The following HOMER2 variants were observed in gnomAD, a reference collection of about 807,000 sequenced individuals.
HOMER2 encodes the protein homer protein homolog 2.
HOMER2 carries 27 observed loss-of-function variants against 47.0 expected under a neutral mutation model. The observed-to-expected ratio is 0.57, with a 90% CI of 0.42 to 0.79. HOMER2 has a LOEUF of 0.79. Among genes scored for constraint, HOMER2 ranks in the 30% least tolerant of loss-of-function variants. The pLI, the probability that HOMER2 is intolerant of heterozygous loss-of-function variation, is 0.00. For missense variants in HOMER2, 443 were observed against 435.0 expected (o/e 1.02, Z -0.16); for synonymous variants, 161 against 163.8 (o/e 0.98, Z 0.13).
chr15:82,925,736 C>T (rs1018581968), intron 1 of HOMER2: 1 of 152,206 alleles, frequency 6.6e-6, no homozygotes, highest in African/African-American at 2.4e-5. Context: ...TATTTGCTTT[C>T]ATGGCACCCC....
At chr15:82,929,686 C>T (rs1457595649) in intron 1 of HOMER2, among the ~76,000 whole-genome samples, 3 of 149,932 alleles carry the variant, frequency 2.0e-5, no homozygotes, top group African/African-American at 7.4e-5. Context: ...TCAAAGGAAG[C>T]CTCGGCTACT....
chr15:82,897,483 C>T (rs1449901782), intron 1 of HOMER2, among the ~76,000 whole-genome samples: 1 of 152,176 alleles, frequency 6.6e-6, no homozygotes, highest in Non-Finnish European at 1.5e-5. Context: ...TGGTGACCCC[C>T]ACCTCCTAGT....
chr15:82,900,562 GTAT>G (rs1456099842), intron 1 of HOMER2, among the ~76,000 whole-genome samples: 1 of 152,196 alleles, frequency 6.6e-6, no homozygotes, highest in Non-Finnish European at 1.5e-5. Context: ...ATATTGAAAT[GTAT>G]TATTATAAAG....
intron 1 of HOMER2, among the ~76,000 whole-genome samples, chr15:82,936,970 G>A (rs1425163267): frequency 6.6e-6 from 1 of 152,144 alleles, no homozygotes; most frequent in Non-Finnish European, 1.5e-5. Flanking sequence ...AAACAATATA[G>A]AGGGGCCTGG....
At chr15:82,912,339 A>G (rs544429911) in intron 1 of HOMER2, among the ~76,000 whole-genome samples, 1 of 152,318 alleles carries the variant, frequency 6.6e-6, no homozygotes, top group East Asian at 1.9e-4. Flanking sequence ...ATCATATAAT[A>G]TGTGGCTTTT....
intron 1 of HOMER2, among the ~76,000 whole-genome samples, chr15:82,921,415 C>G (rs1364478499): frequency 6.6e-6 from 1 of 152,264 alleles, no homozygotes; most frequent in Non-Finnish European, 1.5e-5. Flanking sequence ...GGTGCTGGAG[C>G]ACGTCACACT....
At chr15:82,860,240 A>AT (rs1333033032) in intron 4 of HOMER2, among the ~76,000 whole-genome samples, 1 of 152,200 alleles carries the variant, frequency 6.6e-6, no homozygotes, top group Non-Finnish European at 1.5e-5. Flanking sequence ...CCAACTCAAA[A>AT]TAAAAAAAAG....
At chr15:82,837,519 C>A (rs1320348347) in exon 2 of HOMER2, 1 of 152,186 alleles carries the variant, frequency 6.6e-6, no homozygotes, top group African/African-American at 2.4e-5. Flanking sequence ...GTCAGAGGAC[C>A]TTAGTGGGCT....
downstream of HOMER2, chr15:82,845,323 CA>C (rs1461913297): frequency 6.7e-6 from 1 of 149,214 alleles, no homozygotes; most frequent in Non-Finnish European, 1.5e-5. Context: ...AAATTCTTAC[CA>C]AAGCCACCTT....
intron 3 of HOMER2, among the ~76,000 whole-genome samples, chr15:82,871,310 T>C (rs868076316): frequency 3.5e-4 from 54 of 152,240 alleles, no homozygotes; most frequent in African/African-American, 1.2e-3. Flanking sequence ...AAAGTGTTCT[T>C]AGATGAAAAT....
upstream of HOMER2, among the ~76,000 whole-genome samples, chr15:82,955,207 T>C (rs1446512802): frequency 5.4e-5 from 8 of 148,280 alleles, no homozygotes; most frequent in Non-Finnish European, 1.0e-4. Flanking sequence ...TCTCACTCTG[T>C]TGCCCAGGCT....
At chr15:82,879,469 C>A (rs2052456380) in intron 2 of HOMER2, among the ~76,000 whole-genome samples, 1 of 151,986 alleles carries the variant, frequency 6.6e-6, no homozygotes, top group Non-Finnish European at 1.5e-5. Context: ...TGTACTCTAG[C>A]CTGGGTGACA....
intron 1 of HOMER2, among the ~76,000 whole-genome samples, chr15:82,981,701 A>T (rs1309539050): frequency 6.6e-6 from 1 of 152,264 alleles, no homozygotes; most frequent in Non-Finnish European, 1.5e-5. Flanking sequence ...ATTCTGACAC[A>T]TGCTACAATG....
chr15:82,848,364 C>G (rs1201789745), downstream of HOMER2, among the ~76,000 whole-genome samples: 1 of 152,300 alleles, frequency 6.6e-6, no homozygotes, highest in African/African-American at 2.4e-5. Context: ...AAGCCTCCCC[C>G]CTGCTCAAGG....
At chr15:82,928,939 C>CAAAAAAAAAAAAAAAAAAAAA (rs1596362215) in intron 1 of HOMER2, among the ~76,000 whole-genome samples, 10 of 18,688 alleles carry the variant, frequency 5.4e-4, no homozygotes, top group African/African-American at 2.7e-3. Context: ...AAAATAAAAA[C>CAAAAAAAAAAAAAAAAAAAAA]TAAAAAAAAA....
chr15:82,936,642 A>T (rs2054148910), intron 1 of HOMER2, among the ~76,000 whole-genome samples: 1 of 152,074 alleles, frequency 6.6e-6, no homozygotes, highest in South Asian at 2.1e-4. Flanking sequence ...GCGTGATCTC[A>T]GCTCGCTGCA....
chr15:82,851,178 C>T lies in HOMER2; in HGVS notation c.816G>A (p.Glu272=), dbSNP rs2051381911. Residue 272 remains glutamate (E), a synonymous_variant, in exon 8 of 9, where the codon GAG becomes GAA. Coordinates refer to ENST00000450735, the MANE Select transcript of HOMER2 (RefSeq NM_004839.4). The stretch of plus-strand genomic sequence containing the variant: ...CTAGCTTCTCAGAGACATATTCGCA[C>T]TCTGACATGAGCTGAGGTATGATTT... The part of the protein sequence containing the change: ...QSEIIPQLMS[E]CEYVSEKLEA... The T allele has an allele frequency of 1.9e-6, 3 of 1,578,418 alleles. No individual in the cohort carries two copies. Among genetic ancestry groups the T allele is most frequent in the African/African-American group, 1.3e-5 (1 of 74,356 alleles).
At chr15:82,904,258 A>G (rs1276724409) in intron 1 of HOMER2, among the ~76,000 whole-genome samples, 1 of 152,228 alleles carries the variant, frequency 6.6e-6, no homozygotes, top group Non-Finnish European at 1.5e-5. Context: ...GAGAATAACA[A>G]CTTACCAGAG....
chr15:82,893,703 C>A (rs1021659162), intron 1 of HOMER2, among the ~76,000 whole-genome samples: 3 of 151,416 alleles, frequency 2.0e-5, no homozygotes, highest in Admixed American at 6.6e-5. Context: ...TAGCTCACTG[C>A]AGCCTGGATC....
Sources: gnomAD v4.1 joint callset for allele counts (sites outside exome capture counted in the v4.1 genomes callset) on GRCh38, gnomAD v4.1.1 for gene constraint, MANE v1.5 for transcripts, NCBI Gene and HGNC (gene_info 2026-07-23, HGNC 2026-07-21) for gene names.